TBC1D14: variants seen among roughly 807,000 people sequenced by gnomAD.
TBC1D14 encodes TBC1 domain family member 14.
In TBC1D14, 26 loss-of-function variants were observed where a neutral mutation model predicts 79.0. The ratio of observed to expected loss-of-function variants is 0.33; its 90% CI spans 0.24 to 0.46. The LOEUF is 0.46. Among genes scored for constraint, TBC1D14 ranks in the 20% least tolerant of loss-of-function variants. TBC1D14 has a pLI of 1.00. For synonymous variants in TBC1D14, 394 were observed against 349.9 expected (o/e 1.13, Z -1.40); for missense variants, 769 against 887.6 (o/e 0.87, Z 1.70).
rs558360879 is a variant in TBC1D14 at position 7,032,196 on chromosome 4, G to C, written c.*1804G>C. 6.5e-6 allele frequency: 1 copy of C among 152,760 alleles called. No individual in the cohort carries two copies. The highest frequency in any genetic ancestry group is 2.4e-5 in the African/African-American group (1 of 41,570). The allele number at this position is 152,760 out of a possible 1,614,324, so 9.5% of individuals were successfully genotyped here. ...TGGCCTCCAGACGTAGCCATTTCCTGACATCAAGATGTTGAATGTAATCTG... is the reference window on the plus strand; with the variant it reads ...TGGCCTCCAGACGTAGCCATTTCCTCACATCAAGATGTTGAATGTAATCTG... On this transcript the variant is annotated 3_prime_UTR_variant, in exon 14 of 14. Coordinates refer to ENST00000409757, the MANE Select transcript of TBC1D14 (RefSeq NM_020773.3).
chr4:6,951,040 A>C (rs1277545166), intron 2 of TBC1D14, among the ~76,000 whole-genome samples: 1 of 152,246 alleles, frequency 6.6e-6, no homozygotes, highest in Admixed American at 6.5e-5. Context: ...CTGGAATCCC[A>C]GCACTTTGGG....
chr4:6,930,010 A>G (rs1577473738), intron 2 of TBC1D14, among the ~76,000 whole-genome samples: 1 of 152,222 alleles, frequency 6.6e-6, no homozygotes, highest in African/African-American at 2.4e-5. Context: ...CTCTTGTAAC[A>G]TGTGTAACGT....
At chr4:6,924,233 A>C (rs576763704) in intron 2 of TBC1D14, 122 bp downstream of exon 2, 2 of 1,355,762 alleles carry the variant, frequency 1.5e-6, no homozygotes, top group South Asian at 3.1e-5. Flanking sequence ...TCACACAGAT[A>C]ATTGGGTCTT....
At chr4:6,958,299 G>T (rs1714845682) in intron 2 of TBC1D14, among the ~76,000 whole-genome samples, 1 of 151,852 alleles carries the variant, frequency 6.6e-6, no homozygotes, top group African/African-American at 2.4e-5. Flanking sequence ...AGGGGGTTAT[G>T]TCCCTTGAGC....
intron 2 of TBC1D14, among the ~76,000 whole-genome samples, chr4:6,927,423 G>A (rs1017673508): frequency 6.6e-6 from 1 of 152,176 alleles, no homozygotes; most frequent in South Asian, 2.1e-4. Flanking sequence ...TTAAGTAGGG[G>A]ATAAAACTAC....
At chr4:6,943,572 T>C (rs897060936) in intron 2 of TBC1D14, among the ~76,000 whole-genome samples, 1 of 152,178 alleles carries the variant, frequency 6.6e-6, no homozygotes, top group African/African-American at 2.4e-5. Flanking sequence ...CTGCTGCCTC[T>C]CCCGGGCAAA....
chr4:6,987,286 C>G, intron 3 of TBC1D14: 1 of 1,347,258 alleles, frequency 7.4e-7, no homozygotes, highest in Non-Finnish European at 9.6e-7. Flanking sequence ...GGGAGGGAGG[C>G]CGGCCCTCCG....
chr4:6,945,010 T>C (rs137926420), intron 2 of TBC1D14, among the ~76,000 whole-genome samples: 22 of 152,342 alleles, frequency 1.4e-4, no homozygotes, highest in African/African-American at 4.8e-4. Flanking sequence ...CTCATGTTCC[T>C]GATTGGCCCT....
intron 3 of TBC1D14, among the ~76,000 whole-genome samples, chr4:6,988,486 C>T (rs965335426): frequency 1.3e-5 from 2 of 152,210 alleles, no homozygotes; most frequent in Non-Finnish European, 2.9e-5. Flanking sequence ...CCAGCGCTTC[C>T]CTGGGTCCTC....
intron 2 of TBC1D14, among the ~76,000 whole-genome samples, chr4:6,939,686 A>T (rs1337565271): frequency 6.4e-5 from 9 of 141,686 alleles, no homozygotes; most frequent in African/African-American, 2.3e-4. Context: ...GCAGAGACTG[A>T]TAAGGGATGC....
At chr4:6,992,048 C>T (rs568900232) in intron 3 of TBC1D14, among the ~76,000 whole-genome samples, 6 of 152,326 alleles carry the variant, frequency 3.9e-5, no homozygotes, top group African/African-American at 9.6e-5. Flanking sequence ...AAGCTAGTGG[C>T]GCAGACCAAC....
chr4:6,985,946 A>G (rs2047545868), intron 3 of TBC1D14, among the ~76,000 whole-genome samples: 1 of 152,234 alleles, frequency 6.6e-6, no homozygotes, highest in Non-Finnish European at 1.5e-5. Context: ...GATTTTAATA[A>G]ATGTATACAG....
chr4:6,971,728 C>A (rs1300573790), intron 3 of TBC1D14, among the ~76,000 whole-genome samples: 1 of 152,136 alleles, frequency 6.6e-6, no homozygotes. Flanking sequence ...GGGCCTTACT[C>A]CAGACACATC....
chr4:6,966,445 T>C (rs866505293), intron 2 of TBC1D14, among the ~76,000 whole-genome samples: 9 of 152,258 alleles, frequency 5.9e-5, no homozygotes, highest in African/African-American at 1.9e-4. Flanking sequence ...TGAGTAACTT[T>C]CTTTTTATGA....
chr4:6,953,015 TTTTC>T (rs1714195272), intron 2 of TBC1D14, among the ~76,000 whole-genome samples: 1 of 121,516 alleles, frequency 8.2e-6, no homozygotes, highest in Non-Finnish European at 1.7e-5. Context: ...CTAACTATTT[TTTTC>T]TTTCTTTTTT....
At chr4:7,029,693 C>T (rs551670741) in intron 13 of TBC1D14, among the ~76,000 whole-genome samples, 1 of 152,290 alleles carries the variant, frequency 6.6e-6, no homozygotes, top group East Asian at 1.9e-4. Context: ...GGCGTGGTGG[C>T]ACACCTCTGT....
At chr4:6,977,263 G>GGTGC (rs1402817109) in intron 3 of TBC1D14, among the ~76,000 whole-genome samples, 1 of 148,288 alleles carries the variant, frequency 6.7e-6, no homozygotes, top group Non-Finnish European at 1.5e-5. Flanking sequence ...TGCGATTGCA[G>GGTGC]GTGCGCGCCG....
intron 3 of TBC1D14, among the ~76,000 whole-genome samples, chr4:6,989,529 C>T (rs918145231): frequency 7.2e-5 from 11 of 152,332 alleles, no homozygotes; most frequent in Admixed American, 6.5e-4. Flanking sequence ...CTCAGGCATC[C>T]TGCCCTTCCT....
chr4:6,985,935 C>T (rs1282017239), intron 3 of TBC1D14, among the ~76,000 whole-genome samples: 1 of 152,122 alleles, frequency 6.6e-6, no homozygotes, highest in Non-Finnish European at 1.5e-5. Context: ...AAGTGTTCCA[C>T]GATTTTAATA....
Sources: allele counts gnomAD v4.1 joint callset (sites outside exome capture counted in the v4.1 genomes callset), GRCh38; gene constraint gnomAD v4.1.1; transcripts MANE v1.5; gene names NCBI Gene and HGNC (gene_info 2026-07-23, HGNC 2026-07-21).